Variants in ERCC6 observed in about 807,000 individuals in gnomAD.
ERCC6 encodes the protein DNA excision repair protein ERCC-6.
Under a neutral mutation model 158.7 loss-of-function variants are expected in ERCC6, and 116 were observed. The observed-to-expected ratio is 0.73, with a 90% CI of 0.63 to 0.85. ERCC6 has a LOEUF of 0.85. ERCC6 is among the 40% of genes least tolerant of loss of function. ERCC6 has a pLI of 0.00. For missense variants in ERCC6, 1,698 were observed against 1,799.4 expected, an observed-to-expected ratio of 0.94 and a Z score of 1.02; for synonymous variants, 678 against 659.3, an observed-to-expected ratio of 1.03 and a Z score of -0.43.
intron 14 of ERCC6, 63 bp from the exon 15 acceptor site, chr10:49,473,091 T>C: frequency 6.8e-6 from 11 of 1,609,654 alleles, no homozygotes; most frequent in Non-Finnish European, 9.3e-6. Flanking sequence ...TCTCAGCCTC[T>C]GCCTCCACAT....
intron 7 of ERCC6, among the ~76,000 whole-genome samples, chr10:49,499,397 T>C (rs1376168258): frequency 6.6e-6 from 1 of 152,216 alleles, no homozygotes; most frequent in East Asian, 1.9e-4. Flanking sequence ...AACATGATCT[T>C]GACTCAGTTT....
intron 7 of ERCC6, among the ~76,000 whole-genome samples, chr10:49,493,500 A>C (rs1422626699): frequency 1.3e-5 from 2 of 152,224 alleles, no homozygotes; most frequent in Admixed American, 1.3e-4. Context: ...TAATATATTA[A>C]GAGATATAAC....
At position 49,478,310 on chromosome 10, in the gene ERCC6, A is replaced by G. The variant is rs4253180; in HGVS notation, c.2286+44T>C. ...AGAATCAGAGTGAAGGGAAAGACAC[A>G]CTTGTGCTTTAGGAATGCTTCGTTA... On this transcript the variant is annotated intron_variant, in intron 11 of 20. Transcript: ENST00000355832. 1.1e-3 allele frequency: 1,363 copies of G among 1,230,132 alleles called. 10 individuals carry two copies. The African/African-American group carries it at 0.016, about 14-fold the overall frequency. The allele number at this position is 1,230,132 out of a possible 1,614,324, so 76.2% of individuals were successfully genotyped here.
At chr10:49,472,545 AG>A in intron 15 of ERCC6, 75 bp from the exon 16 acceptor site, 1 of 1,467,924 alleles carries the variant, frequency 6.8e-7, no homozygotes, top group South Asian at 1.1e-5. Flanking sequence ...AAACAAAGCT[AG>A]CTGGTCACTA....
chr10:49,513,933 G>T (rs1418176624), intron 5 of ERCC6, among the ~76,000 whole-genome samples: 1 of 152,060 alleles, frequency 6.6e-6, no homozygotes, highest in East Asian at 1.9e-4. Flanking sequence ...TAAGGGAAAA[G>T]ATTCAAACCC....
At chr10:49,463,426 G>C (rs1306242883) in intron 18 of ERCC6, among the ~76,000 whole-genome samples, 3 of 152,130 alleles carry the variant, frequency 2.0e-5, no homozygotes, top group African/African-American at 7.2e-5. Flanking sequence ...AATAAAAATT[G>C]CTAAAGGAGG....
At chr10:49,443,617 C>A in the ERCC6 span, among the ~76,000 whole-genome samples, 11 of 152,236 alleles carry the variant, frequency 7.2e-5, no homozygotes. Flanking sequence ...AAACCCAGAG[C>A]AACTTCCAGT....
chr10:49,531,164 G>A lies in ERCC6; in HGVS notation c.423-324C>T, dbSNP rs4253025. 0.024 allele frequency among the ~76,000 whole-genome samples: 3,605 copies of A among 152,220 alleles called. 155 individuals are homozygous for A. The highest frequency in any genetic ancestry group is 0.081 in the African/African-American group (3,365 of 41,514). ...ATGCTAGAACAATGTGCAATAAGTT[G>A]TCCTTTTACATGAAAAAATGCATAC... On this transcript the variant is annotated intron_variant, in intron 2 of 20. Transcript: ENST00000355832.
the ERCC6 span, among the ~76,000 whole-genome samples, chr10:49,445,306 C>T: frequency 1.3e-5 from 2 of 152,184 alleles, no homozygotes; most frequent in South Asian, 2.1e-4. Context: ...CATCACCATT[C>T]CTGGCAAATG....
chr10:49,452,538 A>C (rs568640609), downstream of ERCC6, among the ~76,000 whole-genome samples: 4 of 152,258 alleles, frequency 2.6e-5, no homozygotes, highest in South Asian at 8.3e-4. Context: ...TGAGCATTTG[A>C]TAATGTATAT....
At chr10:49,522,821 A>G (rs1837204459) in intron 5 of ERCC6, among the ~76,000 whole-genome samples, 1 of 152,222 alleles carries the variant, frequency 6.6e-6, no homozygotes, top group East Asian at 1.9e-4. Flanking sequence ...ATAAACGTGC[A>G]CAGAAACGAA....
chr10:49,526,117 T>TTATATATATATATA (rs55801003), intron 4 of ERCC6, among the ~76,000 whole-genome samples: 25 of 43,562 alleles, frequency 5.7e-4, no homozygotes, highest in African/African-American at 1.3e-3. Context: ...TTATATATTT[T>TTATATATATATATA]TATATATATA....
intron 18 of ERCC6, among the ~76,000 whole-genome samples, chr10:49,463,806 T>C (rs1353887048): frequency 6.6e-6 from 1 of 152,194 alleles, no homozygotes; most frequent in East Asian, 1.9e-4. Context: ...GCCGTCCATG[T>C]AAGATGTGAC....
chr10:49,442,064 G>A, the ERCC6 span, among the ~76,000 whole-genome samples: 9 of 152,258 alleles, frequency 5.9e-5, no homozygotes, highest in South Asian at 1.7e-3. Context: ...CCGCGCCCCC[G>A]GGGGAAGGGG....
chr10:49,502,524 G>A (rs1851372796), intron 6 of ERCC6: 1 of 152,160 alleles, frequency 6.6e-6, no homozygotes, highest in Non-Finnish European at 1.5e-5. Flanking sequence ...TTGCACAAAG[G>A]AGATTATCAG....
In ERCC6 at chr10:49,470,972, T is replaced by C. The variant is rs1850769022; in HGVS notation, c.3070+3A>G. 1.2e-6 allele frequency: 2 copies of C among 1,613,878 alleles called. No individual in the cohort carries two copies. The highest frequency in any genetic ancestry group is 1.7e-6 in the Non-Finnish European group (2 of 1,179,988). ...CTTTAAATTAAATGATTTTATGTAA[T>C]ACCTGCAAAAATTGCACTTGTTTCA... On this transcript the variant is annotated splice_donor_region_variant and intron_variant, in intron 17 of 20. Transcript: ENST00000355832.
intron 5 of ERCC6, among the ~76,000 whole-genome samples, chr10:49,517,366 A>G (rs1325846917): frequency 6.6e-6 from 1 of 152,126 alleles, no homozygotes; most frequent in East Asian, 1.9e-4. Context: ...CTGAAAACTC[A>G]CATCACTTTT....
intron 1 of ERCC6, among the ~76,000 whole-genome samples, chr10:49,538,224 T>C (rs1467465603): frequency 6.6e-6 from 1 of 152,034 alleles, no homozygotes; most frequent in African/African-American, 2.4e-5. Context: ...TGGGTCTCAT[T>C]TGGAGGGTTG....
the ERCC6 span, among the ~76,000 whole-genome samples, chr10:49,448,529 C>T: frequency 7.7e-4 from 117 of 152,286 alleles, no homozygotes; most frequent in African/African-American, 2.5e-3. Context: ...AAGATACATG[C>T]AACCATCACC....
Sources: allele counts gnomAD v4.1 joint callset (sites outside exome capture counted in the v4.1 genomes callset), GRCh38; gene constraint gnomAD v4.1.1; transcripts MANE v1.5; gene names NCBI Gene and HGNC (gene_info 2026-07-23, HGNC 2026-07-21).